Variants in SNRNP70 observed in about 807,000 individuals in gnomAD.
The protein encoded by SNRNP70 is small nuclear ribonucleoprotein U1 subunit 70, also known as U1 small nuclear ribonucleoprotein 70 kDa.
SNRNP70 carries 8 observed loss-of-function variants against 50.5 expected under a neutral mutation model. The observed-to-expected ratio is 0.16, with a 90% CI of 0.09 to 0.29. The LOEUF (loss-of-function observed/expected upper bound fraction) is 0.29. SNRNP70 is among the 10% of genes least tolerant of loss of function. The probability of loss-of-function intolerance (pLI) is 1.00; values close to 1 mark genes in which losing one functional copy is unlikely to be tolerated. For synonymous variants in SNRNP70, 320 were observed against 252.9 expected, an observed-to-expected ratio of 1.27 and a Z score of -2.52; for missense variants, 529 against 663.5, an observed-to-expected ratio of 0.80 and a Z score of 2.23.
At chr19:49,086,346 C>CA (rs1730070857) in intron 1 of SNRNP70, 59 bp from the exon 2 acceptor site, 2 of 1,515,066 alleles carry the variant, frequency 1.3e-6, no homozygotes, top group Admixed American at 4.4e-5. Context: ...CAAGGAGTAA[C>CA]AGGGGCTTTC....
rs2122390648 is a variant in SNRNP70 at position 49,104,103 on chromosome 19, T to C, written c.476-531T>C. The C allele has an allele frequency of 6.6e-6, 1 of 152,114 alleles. No individual in the cohort carries two copies. The highest frequency in any genetic ancestry group is 2.4e-5 in the African/African-American group (1 of 41,216). 9.4% of individuals were successfully genotyped at this position (152,114 alleles called of 1,614,324 possible). ...TCCCACCCCCTTCTGGTTCATTTTC[T>C]GTTCTGATGTCTGTTCCCCCCACAC... is the stretch of plus-strand genomic sequence containing the variant. On this transcript the variant is annotated intron_variant, in intron 7 of 9. Coordinates refer to ENST00000598441, the MANE Select transcript of SNRNP70 (RefSeq NM_003089.6). The surrounding 1 kb of genome is among the most constrained non-coding windows in gnomAD (Gnocchi z 5.4).
intron 8 of SNRNP70, among the ~76,000 whole-genome samples, chr19:49,106,883 C>T (rs553840364): frequency 1.8e-4 from 28 of 152,330 alleles, no homozygotes; most frequent in African/African-American, 6.0e-4. Context: ...GGCATGCCCA[C>T]GGTTCCGGTG....
intron 2 of SNRNP70, among the ~76,000 whole-genome samples, chr19:49,089,480 A>G (rs2040421966): frequency 6.6e-6 from 1 of 150,912 alleles, no homozygotes; most frequent in Admixed American, 6.6e-5. Flanking sequence ...TCGTCTCAGA[A>G]AAAAAAAAGA....
chr19:49,093,003 A>G (rs1437077125), intron 4 of SNRNP70, among the ~76,000 whole-genome samples: 1 of 146,428 alleles, frequency 6.8e-6, no homozygotes, highest in Admixed American at 7.1e-5. Flanking sequence ...GCAACCTTGA[A>G]TTCCTGGCCT....
chr19:49,105,894 C>T (rs1470168884), intron 8 of SNRNP70, among the ~76,000 whole-genome samples: 3 of 152,218 alleles, frequency 2.0e-5, no homozygotes, highest in African/African-American at 7.2e-5. Context: ...ACACTCAGTC[C>T]TGGATGAGTC....
intron 4 of SNRNP70, among the ~76,000 whole-genome samples, chr19:49,091,604 G>A (rs1024222542): frequency 6.6e-6 from 1 of 152,196 alleles, no homozygotes; most frequent in African/African-American, 2.4e-5. Context: ...ATCAAACGAC[G>A]CACTTCTCAG....
intron 7 of SNRNP70, chr19:49,102,721 G>A (rs2040605344): frequency 6.5e-6 from 1 of 154,748 alleles, no homozygotes; most frequent in Non-Finnish European, 1.4e-5. Flanking sequence ...TCCCTAAAGT[G>A]CATGGAATTG....
chr19:49,094,026 AAAAC>A (rs2040483407), intron 4 of SNRNP70, among the ~76,000 whole-genome samples: 2 of 152,174 alleles, frequency 1.3e-5, no homozygotes, highest in African/African-American at 4.8e-5. Context: ...TCCTTCTCAA[AAAAC>A]AAACAAGTAA....
intron 2 of SNRNP70, among the ~76,000 whole-genome samples, chr19:49,088,470 A>T (rs2040409906): frequency 7.1e-6 from 1 of 140,912 alleles, no homozygotes; most frequent in Admixed American, 7.3e-5. Context: ...AAGTGCTGGG[A>T]TTACAGACGT....
chr19:49,104,529 G>A lies in SNRNP70; in HGVS notation c.476-105G>A, dbSNP rs774739514. 1.5e-5 allele frequency: 13 copies of A among 848,942 alleles called. No homozygotes were observed. Among genetic ancestry groups the A allele is most frequent in the Non-Finnish European group, 2.1e-5 (11 of 517,722 alleles). The allele number at this position is 848,942 out of a possible 1,614,324, so 52.6% of individuals were successfully genotyped here. On this transcript the variant is annotated intron_variant, in intron 7 of 9. Coordinates refer to ENST00000598441, the MANE Select transcript of SNRNP70 (RefSeq NM_003089.6). This position sits in a 1 kb window ranked among gnomAD's most constrained non-coding sequence, Gnocchi z 5.4. The stretch of plus-strand genomic sequence containing the variant: ...CTGTCTGTTGGGCGTGTGCGTGTGC[G>A]TGATGATGGGGACACGGGGCGGGGA...
chr19:49,086,358 C>T (rs556030152), intron 1 of SNRNP70, 47 bp from the exon 2 acceptor site: 11 of 1,543,894 alleles, frequency 7.1e-6, no homozygotes, highest in East Asian at 6.9e-5. Context: ...GGGGCTTTCT[C>T]TGTGCAGACC....
At chr19:49,087,361 A>G (rs369120492) in intron 2 of SNRNP70, among the ~76,000 whole-genome samples, 3 of 152,122 alleles carry the variant, frequency 2.0e-5, no homozygotes, top group South Asian at 2.1e-4. Context: ...GGATAGTGGT[A>G]GCACCCTTAT....
intron 2 of SNRNP70, among the ~76,000 whole-genome samples, chr19:49,087,292 C>CT (rs1435124194): frequency 3.3e-5 from 5 of 151,732 alleles, no homozygotes; most frequent in African/African-American, 4.8e-5. Context: ...TTTATCAGCT[C>CT]TGACTTTGGG....
intron 7 of SNRNP70, among the ~76,000 whole-genome samples, chr19:49,101,935 C>G (rs2007547448): frequency 6.6e-6 from 1 of 150,976 alleles, no homozygotes; most frequent in African/African-American, 2.4e-5. Flanking sequence ...GCCCCCCACC[C>G]TGTTCCTCAG....
At chr19:49,097,066 G>A (rs551309010) in intron 4 of SNRNP70, among the ~76,000 whole-genome samples, 15 of 152,120 alleles carry the variant, frequency 9.9e-5, no homozygotes, top group African/African-American at 3.6e-4. Flanking sequence ...GGAGGCAGAG[G>A]TTGCAGTGAG....
chr19:49,107,977 A>T lies in SNRNP70; in HGVS notation c.848A>T (p.Asp283Val). The T allele has an allele frequency of 6.5e-7, 1 of 1,547,956 alleles. No homozygotes were observed. The highest frequency in any genetic ancestry group is 8.7e-7 in the Non-Finnish European group (1 of 1,146,170). The change falls in exon 10 of 10, where the codon GAC becomes GTC. Residue 283 changes from aspartate (D) to valine (V), a missense_variant. Physicochemically the swap from Asp to Val is radical, Grantham distance 152. This residue lies in a region of SNRNP70 where 327 missense variants were observed against 308.8 expected (regional missense o/e 1.06). Coordinates refer to ENST00000598441, the MANE Select transcript of SNRNP70 (RefSeq NM_003089.6). The surrounding 1 kb of genome is among the most constrained non-coding windows in gnomAD (Gnocchi z 6.0). ...ERRRSRERSK[D>V]KDRDRKRRSS... is the part of the protein sequence containing the mutation. ...AGGCGCTCCAGGGAGCGGAGCAAGG[A>T]CAAGGACCGGGACCGGAAGCGGCGA...
intron 2 of SNRNP70, among the ~76,000 whole-genome samples, chr19:49,087,986 G>A (rs1306460087): frequency 6.6e-6 from 1 of 151,740 alleles, no homozygotes; most frequent in Non-Finnish European, 1.5e-5. Context: ...TGCAGCCTCC[G>A]GTTCAAGCAG....
intron 4 of SNRNP70, 144 bp from the exon 5 acceptor site, chr19:49,098,283 T>C (rs1016481475): frequency 1.5e-6 from 1 of 688,316 alleles, no homozygotes; most frequent in African/African-American, 1.8e-5. Context: ...GTCCCTGAGG[T>C]TGCCAGGTCA....
At chr19:49,093,677 T>C (rs1438796725) in intron 4 of SNRNP70, among the ~76,000 whole-genome samples, 7 of 40,534 alleles carry the variant, frequency 1.7e-4, no homozygotes, top group Admixed American at 5.0e-4. Context: ...AGATTCCATC[T>C]CAAAAAAAAA....
Sources: allele counts gnomAD v4.1 joint callset (sites outside exome capture counted in the v4.1 genomes callset), GRCh38; gene constraint gnomAD v4.1.1; regional missense constraint gnomAD v4.1.1; non-coding constraint Gnocchi (gnomAD v3.1); transcripts MANE v1.5; gene names NCBI Gene and HGNC (gene_info 2026-07-23, HGNC 2026-07-21).